The following GPRC6A variants were observed in gnomAD, a reference collection of about 807,000 sequenced individuals.
GPRC6A encodes the protein G protein-coupled receptor class C group 6 member A, also known as G protein-coupled receptor family C group 6 member A.
A neutral mutation model predicts 47.0 loss-of-function variants in GPRC6A; 54 were observed. That is an observed-to-expected ratio of 1.15 (90% CI 0.92 to 1.44). The LOEUF is 1.44. GPRC6A is among the 40% of genes most tolerant of loss of function. The pLI, the probability that GPRC6A is intolerant of heterozygous loss-of-function variation, is 0.00. For missense variants in GPRC6A, 1,112 were observed against 1,105.5 expected (o/e 1.01, Z -0.08); for synonymous variants, 347 against 377.1 (o/e 0.92, Z 0.93).
At chr6:116,796,369 G>A (rs930704666) in intron 4 of GPRC6A, among the ~76,000 whole-genome samples, 3 of 151,812 alleles carry the variant, frequency 2.0e-5, no homozygotes, top group African/African-American at 7.3e-5. Context: ...TTAAAAGACA[G>A]GCCTAAATAT....
Position 116,806,747 on chromosome 6 carries a change from T to A in GPRC6A, c.958A>T (p.Ile320Phe). ...AAGGCAAACCCTACAACTTTGCCAATCTTTTTAACATTAGGAATGGTGGTA... is the reference window on the plus strand; with the variant it reads ...AAGGCAAACCCTACAACTTTGCCAAACTTTTTAACATTAGGAATGGTGGTA... ...KITTIPNVKK[I>F]GKVVGFAFRR... The change falls in exon 3 of 6, where the codon ATT becomes TTT. Residue 320 changes from isoleucine to phenylalanine, a missense_variant. Transcript: ENST00000310357. 1 of 1,613,734 alleles carries A rather than the reference T, an allele frequency of 6.2e-7. No individual in the cohort carries two copies.
intron 5 of GPRC6A, 44 bp downstream of exon 5, chr6:116,795,668 C>A: frequency 5.5e-6 from 8 of 1,447,416 alleles, no homozygotes; most frequent in South Asian, 4.7e-5. Context: ...AAAAAAAAAG[C>A]CTAAGAGGAA....
Position 116,792,448 on chromosome 6 carries a change from G to T in GPRC6A, c.2475C>A (p.Ile825=). 1 of 1,613,876 alleles carries T rather than the reference G, an allele frequency of 6.2e-7. No individual in the cohort carries two copies. Among genetic ancestry groups the T allele is most frequent in the African/African-American group, 1.3e-5 (1 of 75,012 alleles). ...IIVILISNYG[I]LYCTFIPKCY... The stretch of plus-strand genomic sequence containing the variant: ...ATTTGGGGATGAATGTGCAATACAG[G>T]ATTCCATAGTTAGATATTAATATGA... Residue 825 remains isoleucine, a synonymous_variant, in exon 6 of 6, where the codon ATC becomes ATA. Transcript: ENST00000310357.
chr6:116,817,398 A>T (rs1773261402), intron 1 of GPRC6A, among the ~76,000 whole-genome samples: 2 of 151,016 alleles, frequency 1.3e-5, no homozygotes, highest in South Asian at 4.2e-4. Flanking sequence ...CATCACCATC[A>T]TCAAAGACCA....
At chr6:116,819,252 A>C (rs1343179374) in intron 1 of GPRC6A, among the ~76,000 whole-genome samples, 8 of 150,954 alleles carry the variant, frequency 5.3e-5, no homozygotes, top group African/African-American at 9.7e-5. Flanking sequence ...CCCACACATT[A>C]ATAATGGGAG....
chr6:116,816,643 G>A (rs1367167927), intron 1 of GPRC6A, among the ~76,000 whole-genome samples: 3 of 151,958 alleles, frequency 2.0e-5, no homozygotes, highest in African/African-American at 7.3e-5. Flanking sequence ...ATCTCACTAG[G>A]GAGTGCCAGA....
At position 116,792,369 on chromosome 6, in the gene GPRC6A, T is replaced by C. The variant is rs751028477; in HGVS notation, c.2554A>G (p.Met852Val). 6.2e-6 allele frequency: 10 copies of C among 1,614,040 alleles called. No individual in the cohort carries two copies. In the South Asian group the frequency reaches 9.9e-5, roughly 16 times the overall value. ...CTATGGGAAGAATAACTGTAGATCA[T>C]CTTGAGAAAGGCAGACTTTGTGTTA... ...EINTKSAFLKMIYSYSSHSVS... is the reference protein window; with the variant it reads ...EINTKSAFLKVIYSYSSHSVS... The change falls in exon 6 of 6, where the codon ATG becomes GTG. Residue 852 changes from methionine to valine, a missense_variant. Transcript: ENST00000310357.
At chr6:116,805,893 G>A (rs1284313686) in intron 3 of GPRC6A, among the ~76,000 whole-genome samples, 2 of 152,082 alleles carry the variant, frequency 1.3e-5, no homozygotes, top group Admixed American at 1.3e-4. Context: ...CTTAACTATA[G>A]GTGTTGGGAT....
intron 1 of GPRC6A, among the ~76,000 whole-genome samples, chr6:116,810,279 T>A (rs1394321995): frequency 6.6e-6 from 1 of 152,174 alleles, no homozygotes; most frequent in Admixed American, 6.6e-5. Context: ...TACACATTTT[T>A]AAAATGAATA....
At chr6:116,828,057 A>T (rs747218233) in intron 1 of GPRC6A, among the ~76,000 whole-genome samples, 2 of 152,116 alleles carry the variant, frequency 1.3e-5, no homozygotes, top group Non-Finnish European at 2.9e-5. Context: ...GAGGTTATCC[A>T]GGCCTTTGTT....
intron 3 of GPRC6A, among the ~76,000 whole-genome samples, chr6:116,802,344 T>C (rs2114588846): frequency 6.6e-6 from 1 of 152,274 alleles, no homozygotes; most frequent in African/African-American, 2.4e-5. Context: ...TTTCATATCA[T>C]TTAAAAAAAT....
At chr6:116,803,042 C>T (rs76671093) in intron 3 of GPRC6A, among the ~76,000 whole-genome samples, 3,991 of 152,156 alleles carry the variant, frequency 0.026, 153 homozygotes, top group African/African-American at 0.091. Context: ...AATTCAACAT[C>T]TCCAAAATGG....
chr6:116,806,744 C>T lies in GPRC6A; in HGVS notation c.961G>A (p.Gly321Ser). The change falls in exon 3 of 6, where the codon GGC becomes AGC. Residue 321 changes from glycine to serine, a missense_variant. By Grantham distance (56) the Gly-to-Ser change is moderately conservative (BLOSUM62 0). Coordinates refer to ENST00000310357, the MANE Select transcript of GPRC6A (RefSeq NM_148963.4). ...ITTIPNVKKI[G>S]KVVGFAFRRG... Reference sequence around the variant, plus strand: ...CTAAAGGCAAACCCTACAACTTTGCCAATCTTTTTAACATTAGGAATGGTG... The same window carrying T: ...CTAAAGGCAAACCCTACAACTTTGCTAATCTTTTTAACATTAGGAATGGTG... 1.2e-6 allele frequency: 2 copies of T among 1,613,472 alleles called. No homozygotes were observed. The highest frequency in any genetic ancestry group is 1.1e-5 in the South Asian group (1 of 91,052).
At chr6:116,823,749 G>T (rs1203568881) in intron 1 of GPRC6A, among the ~76,000 whole-genome samples, 1 of 152,092 alleles carries the variant, frequency 6.6e-6, no homozygotes, top group Non-Finnish European at 1.5e-5. Flanking sequence ...GGCTGTACAG[G>T]AAGCATGATG....
chr6:116,816,280 A>G (rs1773202902), intron 1 of GPRC6A, among the ~76,000 whole-genome samples: 2 of 152,244 alleles, frequency 1.3e-5, no homozygotes, highest in African/African-American at 4.8e-5. Context: ...CTAAGACACA[A>G]TGGGAGTACA....
chr6:116,828,303 C>T (rs1378692688), intron 1 of GPRC6A, among the ~76,000 whole-genome samples: 1 of 151,912 alleles, frequency 6.6e-6, no homozygotes, highest in Admixed American at 6.6e-5. Context: ...GTTCATCCAG[C>T]AGGAAGGAGC....
chr6:116,797,148 C>CTT (rs1369965252), intron 4 of GPRC6A, among the ~76,000 whole-genome samples: 3 of 150,394 alleles, frequency 2.0e-5, no homozygotes, highest in East Asian at 3.9e-4. Flanking sequence ...GTTTTTTGTT[C>CTT]TTGCGATAGT....
rs1330918974 is a variant in GPRC6A at position 116,810,003 on chromosome 6, G to A, written c.195-386C>T. Reference sequence around the variant, plus strand: ...TTAGTTTTCTGATTCTAGTCTGTGTGATTGGAAACCAGATAAATAAGACTC... The same window carrying A: ...TTAGTTTTCTGATTCTAGTCTGTGTAATTGGAAACCAGATAAATAAGACTC... On this transcript the variant is annotated intron_variant, in intron 1 of 5. Coordinates refer to ENST00000310357, the MANE Select transcript of GPRC6A (RefSeq NM_148963.4). Among the ~76,000 whole-genome samples the A allele has an allele frequency of 8.6e-5, 13 of 151,984 alleles. 1 individual carries two copies. The highest frequency in any genetic ancestry group is 8.5e-4 in the Admixed American group (13 of 15,264).
intron 3 of GPRC6A, among the ~76,000 whole-genome samples, chr6:116,803,715 T>A (rs1447893027): frequency 6.6e-6 from 1 of 152,128 alleles, no homozygotes; most frequent in Non-Finnish European, 1.5e-5. Context: ...TGCTGTGCTT[T>A]CTTTTCTCCC....
Sources: gnomAD v4.1 joint callset for allele counts (sites outside exome capture counted in the v4.1 genomes callset) on GRCh38, gnomAD v4.1.1 for gene constraint, MANE v1.5 for transcripts, NCBI Gene and HGNC (gene_info 2026-07-23, HGNC 2026-07-21) for gene names.